PAPOLG: variants seen among roughly 807,000 people sequenced by gnomAD.
The protein encoded by PAPOLG is poly(A) polymerase gamma.
PAPOLG carries 40 observed loss-of-function variants against 99.0 expected under a neutral mutation model. The ratio of observed to expected loss-of-function variants is 0.40; its 90% confidence interval spans 0.31 to 0.53. The LOEUF (loss-of-function observed/expected upper bound fraction) is 0.53. Ranked by LOEUF, PAPOLG falls within the 20% of genes least tolerant of loss-of-function variation. The pLI is 0.41. For synonymous variants in PAPOLG, 310 were observed against 299.3 expected, an observed-to-expected ratio of 1.04 and a Z score of -0.37; for missense variants, 675 against 884.1, an observed-to-expected ratio of 0.76 and a Z score of 3.00.
At chr2:60,780,819 G>A (rs1671165971) in intron 10 of PAPOLG, 40 bp downstream of exon 10, 4 of 1,488,374 alleles carry the variant, frequency 2.7e-6, no homozygotes, top group Non-Finnish European at 3.8e-6. Flanking sequence ...AGCTTTTAAG[G>A]AAGAGGACAT....
intron 15 of PAPOLG, among the ~76,000 whole-genome samples, chr2:60,789,859 G>T (rs1671477201): frequency 6.6e-6 from 1 of 152,188 alleles, no homozygotes; most frequent in South Asian, 2.1e-4. Context: ...GGAGGCCAAG[G>T]CGGGCAAATT....
At chr2:60,773,966 G>T (rs1251983542) in intron 7 of PAPOLG, among the ~76,000 whole-genome samples, 1 of 152,134 alleles carries the variant, frequency 6.6e-6, no homozygotes, top group Non-Finnish European at 1.5e-5. Flanking sequence ...CTTGAAAAAA[G>T]CAGGTAGTTG....
chr2:60,771,789 A>G, intron 7 of PAPOLG, among the ~76,000 whole-genome samples, 159 bp downstream of exon 7: 1 of 152,162 alleles, frequency 6.6e-6, no homozygotes, highest in Non-Finnish European at 1.5e-5. Flanking sequence ...AATCCTAAAA[A>G]CCACAAATTT....
intron 10 of PAPOLG, 69 bp from the exon 11 acceptor site, chr2:60,781,814 CTT>C: frequency 4.4e-6 from 7 of 1,591,242 alleles, no homozygotes; most frequent in Non-Finnish European, 6.0e-6. Context: ...ATTCTTCAGA[CTT>C]TTGGGGAAAT....
intron 1 of PAPOLG, among the ~76,000 whole-genome samples, chr2:60,758,191 A>G (rs1670406869): frequency 6.6e-6 from 1 of 152,206 alleles, no homozygotes; most frequent in African/African-American, 2.4e-5. Flanking sequence ...ATACCAAAAC[A>G]CTGCTCTAGC....
chr2:60,763,103 C>A (rs757499350), intron 3 of PAPOLG, among the ~76,000 whole-genome samples: 10 of 150,932 alleles, frequency 6.6e-5, no homozygotes, highest in Non-Finnish European at 1.3e-4. Flanking sequence ...TAGACAGGAT[C>A]TCCCTCTGTC....
chr2:60,780,512 G>A (rs989603457), intron 9 of PAPOLG, among the ~76,000 whole-genome samples, 195 bp from the exon 10 acceptor site: 1 of 152,144 alleles, frequency 6.6e-6, no homozygotes, highest in African/African-American at 2.4e-5. Flanking sequence ...CTGAGCTCAG[G>A]TGATCTGCCT....
chr2:60,759,776 C>G (rs1048318793), intron 1 of PAPOLG, among the ~76,000 whole-genome samples: 3 of 152,198 alleles, frequency 2.0e-5, no homozygotes, highest in Non-Finnish European at 1.5e-5. Context: ...ATTCTAGAAT[C>G]TGGATGGCAC....
At position 60,782,777 on chromosome 2, in the gene PAPOLG, G is replaced by T; in HGVS notation, c.1112+7G>T. ...ATTTCTTTCAAAAGTATAGGTACGT[G>T]AAATTTTGTATTTTGTATGTATGTG... On this transcript the variant is annotated splice_region_variant and intron_variant, in intron 12 of 21. Transcript: ENST00000238714. 6.5e-7 allele frequency: 1 copy of T among 1,538,224 alleles called. No individual in the cohort carries two copies. Among genetic ancestry groups the T allele is most frequent in the East Asian group, 2.4e-5 (1 of 41,610 alleles).
At chr2:60,765,193 C>G (rs1053651109) in intron 3 of PAPOLG, among the ~76,000 whole-genome samples, 2 of 151,182 alleles carry the variant, frequency 1.3e-5, no homozygotes, top group African/African-American at 4.9e-5. Context: ...CCCAGCCCCC[C>G]AAGTAGCAGA....
rs1671230228 is a variant in PAPOLG, at chr2:60,782,714, A to G, written c.1056A>G (p.Gln352=). The change falls in exon 12 of 22, where the codon CAA becomes CAG. Residue 352 remains glutamine (Q), a synonymous_variant. Transcript: ENST00000238714. Reference sequence around the variant, plus strand: ...TTGCAGTCACAGATGAAATTCTTCAAGGAAAGTCAGATTGGTCCAAACTAC... The same window carrying G: ...TTGCAGTCACAGATGAAATTCTTCAGGGAAAGTCAGATTGGTCCAAACTAC... The part of the protein sequence containing the change: ...QGLAVTDEIL[Q]GKSDWSKLLE... 2 of 1,549,142 alleles carry G rather than the reference A, an allele frequency of 1.3e-6. No individual in the cohort carries two copies. Among genetic ancestry groups the G allele is most frequent in the Non-Finnish European group, 8.6e-7 (1 of 1,157,668 alleles).
In PAPOLG at chr2:60,801,401, T is replaced by G. The variant is rs1671829953; in HGVS notation, c.*4241T>G. 6.6e-6 allele frequency: 1 copy of G among 152,196 alleles called. No individual in the cohort carries two copies. The highest frequency in any genetic ancestry group is 6.6e-5 in the Admixed American group (1 of 15,264). 9.4% of individuals were successfully genotyped at this position (152,196 alleles called of 1,614,324 possible). On this transcript the variant is annotated 3_prime_UTR_variant, in exon 22 of 22. Coordinates refer to ENST00000238714, the MANE Select transcript of PAPOLG (RefSeq NM_022894.4). ...ACCAGTCTCAATAATGGTTTTTTTT[T>G]TCCAATTGCATAAGGTCACGTCATC...
Position 60,782,012 on chromosome 2 carries a change from A to G in PAPOLG, c.1027+7A>G. On this transcript the variant is annotated splice_region_variant and intron_variant, in intron 11 of 21. Transcript: ENST00000238714. ...GTAGAAGAATTTAAACAAGGTAAAC[A>G]TGTGGCCCTGTTGCCCTTTACATAT... 1 of 1,612,754 alleles carries G rather than the reference A, an allele frequency of 6.2e-7. No homozygotes were observed.
At position 60,801,662 on chromosome 2, in the gene PAPOLG, C is replaced by T. The variant is rs2103841483; in HGVS notation, c.*4502C>T. The T allele has an allele frequency of 6.6e-6, 1 of 152,314 alleles. No homozygotes were observed. Among genetic ancestry groups the T allele is most frequent in the East Asian group, 1.9e-4 (1 of 5,182 alleles). The allele number at this position is 152,314 out of a possible 1,614,324, so 9.4% of individuals were successfully genotyped here. ...ACATGTTGGCCAGGCTGGTCTCAAA[C>T]TCCTGACCTCCAGTGATGCACCCGC... On this transcript the variant is annotated 3_prime_UTR_variant, in exon 22 of 22. Transcript: ENST00000238714.
rs748086998 is a variant in PAPOLG at position 60,792,184 on chromosome 2, CTCTGGATAGCAGTTG to C, written c.1585_1599del (p.Cys530_Ser534del). 1 of 1,603,622 alleles carries C rather than the reference CTCTGGATAGCAGTTG, an allele frequency of 6.2e-7. No homozygotes were observed. ...GGCGGACTTCAATCCAAAAGATTGT[CTCTGGATAGCAGTTG>C]TCTGGATAGCTCCAGAGACACTGAT... On this transcript the variant is annotated inframe_deletion, in exon 17 of 22. Coordinates refer to ENST00000238714, the MANE Select transcript of PAPOLG (RefSeq NM_022894.4).
At chr2:60,788,323 A>G (rs1671429018) in intron 15 of PAPOLG, among the ~76,000 whole-genome samples, 1 of 151,810 alleles carries the variant, frequency 6.6e-6, no homozygotes, top group Non-Finnish European at 1.5e-5. Context: ...TATCTGTTTT[A>G]TTTTATTTTG....
rs935906358 is a variant in PAPOLG at position 60,796,937 on chromosome 2, G to A, written c.2113-125G>A. 4.3e-6 allele frequency: 5 copies of A among 1,170,044 alleles called. No homozygotes were observed. The African/African-American group carries it at 7.8e-5, about 18-fold the overall frequency. The allele number at this position is 1,170,044 out of a possible 1,614,324, so 72.5% of individuals were successfully genotyped here. ...GGAAGGAAATATTCATTGCATACTT[G>A]AGTGTTTAGGAGCTAGAGGGTTTGG... On this transcript the variant is annotated intron_variant, in intron 21 of 21. Coordinates refer to ENST00000238714, the MANE Select transcript of PAPOLG (RefSeq NM_022894.4).
At chr2:60,766,058 T>C (rs1489488380) in intron 3 of PAPOLG, among the ~76,000 whole-genome samples, 1 of 152,212 alleles carries the variant, frequency 6.6e-6, no homozygotes, top group Non-Finnish European at 1.5e-5. Context: ...AATATCCTAT[T>C]ATATAGATAC....
intron 1 of PAPOLG, among the ~76,000 whole-genome samples, chr2:60,757,179 C>A (rs1454741055): frequency 6.6e-6 from 1 of 152,192 alleles, no homozygotes; most frequent in East Asian, 1.9e-4. Flanking sequence ...ATTTGTGGAG[C>A]CACCACCCAT....
Sources: allele counts gnomAD v4.1 joint callset (sites outside exome capture counted in the v4.1 genomes callset), GRCh38; gene constraint gnomAD v4.1.1; transcripts MANE v1.5; gene names NCBI Gene and HGNC (gene_info 2026-07-23, HGNC 2026-07-21).